Variants in THSD7B observed in about 807,000 individuals in gnomAD.
THSD7B encodes thrombospondin type-1 domain-containing protein 7B.
THSD7B carries 138 observed loss-of-function variants against 213.6 expected under a neutral mutation model. The observed-to-expected ratio is 0.65, with a 90% CI of 0.56 to 0.74. The LOEUF (loss-of-function observed/expected upper bound fraction) is 0.74, where lower values mean the gene tolerates loss of function less well. THSD7B is among the 30% of genes least tolerant of loss of function. The pLI, the probability that THSD7B is intolerant of heterozygous loss-of-function variation, is 0.00. For synonymous variants in THSD7B, 742 were observed against 687.0 expected (o/e 1.08, Z -1.25); for missense variants, 1,931 against 1,991.5 (o/e 0.97, Z 0.58).
intron 3 of THSD7B, among the ~76,000 whole-genome samples, chr2:137,076,665 C>T (rs1424732095): frequency 6.6e-6 from 1 of 152,190 alleles, no homozygotes; most frequent in African/African-American, 2.4e-5. Flanking sequence ...CAGAAATCAC[C>T]CATCTTCTGC....
chr2:136,926,164 T>C (rs943438096), intron 2 of THSD7B, among the ~76,000 whole-genome samples: 5 of 148,868 alleles, frequency 3.4e-5, no homozygotes, highest in Non-Finnish European at 7.4e-5. Context: ...CATTCCTCCC[T>C]CCTTTCTCCC....
intron 7 of THSD7B, among the ~76,000 whole-genome samples, chr2:137,183,427 G>T (rs1162664654): frequency 6.6e-6 from 1 of 152,164 alleles, no homozygotes; most frequent in Admixed American, 6.6e-5. Context: ...ATATCTGCAA[G>T]AGTGGAGTGT....
At chr2:137,514,361 T>G (rs752894872) in intron 15 of THSD7B, among the ~76,000 whole-genome samples, 8 of 152,172 alleles carry the variant, frequency 5.3e-5, no homozygotes, top group Non-Finnish European at 1.2e-4. Flanking sequence ...TAAACTGGCT[T>G]AGCCTCCCAG....
intron 2 of THSD7B, among the ~76,000 whole-genome samples, chr2:136,908,105 T>G (rs576880051): frequency 6.6e-6 from 1 of 152,340 alleles, no homozygotes; most frequent in East Asian, 1.9e-4. Flanking sequence ...TTAATAGTTT[T>G]AATGTGTTTT....
At chr2:137,312,640 A>T (rs971129516) in intron 12 of THSD7B, among the ~76,000 whole-genome samples, 1 of 149,726 alleles carries the variant, frequency 6.7e-6, no homozygotes, top group African/African-American at 2.5e-5. Flanking sequence ...TCTTGTGGGC[A>T]TTTAGTGCTA....
chr2:137,436,934 T>C (rs2105047969), intron 14 of THSD7B, among the ~76,000 whole-genome samples: 1 of 152,302 alleles, frequency 6.6e-6, no homozygotes, highest in African/African-American at 2.4e-5. Flanking sequence ...AATTTCTACC[T>C]GTGTGGCTTG....
At chr2:137,143,676 A>G (rs949760667) in intron 5 of THSD7B, among the ~76,000 whole-genome samples, 7 of 152,122 alleles carry the variant, frequency 4.6e-5, no homozygotes, top group Non-Finnish European at 1.0e-4. Context: ...ATCTTTAGCA[A>G]GTAAATTGAA....
intron 12 of THSD7B, among the ~76,000 whole-genome samples, chr2:137,370,736 T>A (rs1394128578): frequency 6.6e-6 from 1 of 152,138 alleles, no homozygotes; most frequent in Admixed American, 6.6e-5. Flanking sequence ...CCCAAAATGC[T>A]GGAATTACAT....
chr2:137,388,043 T>C (rs1266774628), intron 12 of THSD7B, among the ~76,000 whole-genome samples: 1 of 152,194 alleles, frequency 6.6e-6, no homozygotes, highest in East Asian at 1.9e-4. Flanking sequence ...CATTATCATG[T>C]AAGAGAGACT....
At chr2:136,805,300 T>C (rs376436155) in intron 1 of THSD7B, among the ~76,000 whole-genome samples, 1 of 152,200 alleles carries the variant, frequency 6.6e-6, no homozygotes, top group Non-Finnish European at 1.5e-5. Flanking sequence ...GGCAGTTAGA[T>C]AAATTAGTGT....
At chr2:137,574,202 T>A (rs1681413897) in intron 17 of THSD7B, among the ~76,000 whole-genome samples, 1 of 152,110 alleles carries the variant, frequency 6.6e-6, no homozygotes, top group East Asian at 1.9e-4. Flanking sequence ...TGGGCTAAAA[T>A]TTTTATTGTA....
chr2:137,587,320 C>A (rs893944679), intron 17 of THSD7B, among the ~76,000 whole-genome samples: 13 of 152,170 alleles, frequency 8.5e-5, no homozygotes, highest in African/African-American at 3.1e-4. Context: ...TTGTCTGAAG[C>A]CTTCTTCTGT....
intron 15 of THSD7B, among the ~76,000 whole-genome samples, chr2:137,526,401 G>T (rs747702008): frequency 7.2e-5 from 10 of 139,650 alleles, no homozygotes; most frequent in Admixed American, 2.1e-4. Context: ...TTTAGGGTTT[G>T]TTGTTGTTGT....
intron 1 of THSD7B, among the ~76,000 whole-genome samples, chr2:136,801,869 G>T (rs1158958144): frequency 1.3e-5 from 2 of 152,118 alleles, no homozygotes; most frequent in Admixed American, 1.3e-4. Flanking sequence ...GGAAGGAAAT[G>T]ATAGCATCTT....
chr2:136,890,986 A>G (rs945513853), intron 2 of THSD7B, among the ~76,000 whole-genome samples: 14 of 151,704 alleles, frequency 9.2e-5, no homozygotes, highest in Non-Finnish European at 1.5e-4. Flanking sequence ...TTTTGTTTGT[A>G]TATTTATTTT....
intron 1 of THSD7B, among the ~76,000 whole-genome samples, chr2:136,794,817 T>A (rs1447496018): frequency 1.3e-5 from 2 of 150,384 alleles, no homozygotes; most frequent in South Asian, 4.3e-4. Flanking sequence ...ATAGTGGATT[T>A]GTCTAGTTCT....
intron 15 of THSD7B, among the ~76,000 whole-genome samples, chr2:137,510,438 G>A (rs1679937928): frequency 1.3e-5 from 2 of 152,076 alleles, no homozygotes; most frequent in South Asian, 2.1e-4. Context: ...ATTATAATAT[G>A]CATTATAAAC....
At chr2:136,787,787 T>A (rs1681893556) in intron 1 of THSD7B, among the ~76,000 whole-genome samples, 3 of 152,046 alleles carry the variant, frequency 2.0e-5, no homozygotes, top group Admixed American at 2.0e-4. Context: ...AAATATGAGA[T>A]GATATCATGA....
At chr2:136,816,247 T>C (rs1277028901) in intron 1 of THSD7B, among the ~76,000 whole-genome samples, 2 of 152,196 alleles carry the variant, frequency 1.3e-5, no homozygotes, top group Non-Finnish European at 2.9e-5. Flanking sequence ...CCATTCTTTT[T>C]AGAGTTTATT....
Sources: gnomAD v4.1 joint callset for allele counts (sites outside exome capture counted in the v4.1 genomes callset) on GRCh38, gnomAD v4.1.1 for gene constraint, MANE v1.5 for transcripts, NCBI Gene and HGNC (gene_info 2026-07-23, HGNC 2026-07-21) for gene names.